PHF20L1: variants seen among roughly 807,000 people sequenced by gnomAD.
The protein encoded by PHF20L1 is PHD finger protein 20-like protein 1.
PHF20L1 carries 44 observed loss-of-function variants against 125.5 expected under a neutral mutation model. The ratio of observed to expected loss-of-function variants is 0.35; its 90% CI spans 0.28 to 0.45. The LOEUF (loss-of-function observed/expected upper bound fraction) is 0.45, where lower values mean the gene tolerates loss of function less well. PHF20L1 is among the 20% of genes least tolerant of loss of function. The probability of loss-of-function intolerance (pLI) is 1.00; values close to 1 mark genes in which losing one functional copy is unlikely to be tolerated. For missense variants in PHF20L1, 1,012 were observed against 1,217.2 expected (o/e 0.83, Z 2.51); for synonymous variants, 380 against 403.1 (o/e 0.94, Z 0.69).
chr8:132,830,800 G>T (rs1836687943), intron 14 of PHF20L1, among the ~76,000 whole-genome samples: 2 of 151,984 alleles, frequency 1.3e-5, no homozygotes, highest in African/African-American at 2.4e-5. Context: ...TAGGTAATGT[G>T]TAAGATTTCC....
chr8:132,845,758 G>C (rs1223318422), intron 20 of PHF20L1, 23 bp from the exon 21 acceptor site: 2 of 1,558,646 alleles, frequency 1.3e-6, no homozygotes, highest in Non-Finnish European at 1.8e-6. Flanking sequence ...GTTTAAATTT[G>C]TTTATCTTCT....
At chr8:132,812,631 T>C (rs1834526162) in intron 9 of PHF20L1, 1 of 984,840 alleles carries the variant, frequency 1.0e-6, no homozygotes, top group Non-Finnish European at 1.2e-6. Context: ...CTACTTGTCA[T>C]TCAGGTTGAT....
At chr8:132,810,838 C>A (rs1022429524) in intron 8 of PHF20L1, 1 of 490,418 alleles carries the variant, frequency 2.0e-6, no homozygotes, top group Non-Finnish European at 3.7e-6. Flanking sequence ...ACAACAGACA[C>A]ACAACTGTAT....
chr8:132,811,950 T>C, intron 9 of PHF20L1: 1 of 980,010 alleles, frequency 1.0e-6, no homozygotes, highest in Non-Finnish European at 1.2e-6. Flanking sequence ...CTCCTCTAGA[T>C]GCGTTTTAAA....
In PHF20L1 at chr8:132,846,162, A is replaced by G. The variant is rs572768985; in HGVS notation, c.*239A>G. 3 of 408,314 alleles carry G rather than the reference A, an allele frequency of 7.3e-6. No homozygotes were observed. Among genetic ancestry groups the G allele is most frequent in the South Asian group, 4.6e-5 (1 of 21,758 alleles). 25.3% of individuals were successfully genotyped at this position (408,314 alleles called of 1,614,324 possible). ...ATGAGAATGTGTTATATGCCAAGGAACAATGAAGTAGAATATAATGTATAC... is the reference window on the plus strand; with the variant it reads ...ATGAGAATGTGTTATATGCCAAGGAGCAATGAAGTAGAATATAATGTATAC... On this transcript the variant is annotated 3_prime_UTR_variant, in exon 21 of 21. Coordinates refer to ENST00000395386, the MANE Select transcript of PHF20L1 (RefSeq NM_016018.5).
At chr8:132,838,068 T>C (rs1330388620) in intron 17 of PHF20L1, 1 of 338,236 alleles carries the variant, frequency 3.0e-6, no homozygotes, top group East Asian at 5.2e-5. Flanking sequence ...TGATTACCCT[T>C]AGTGAGGACT....
In PHF20L1 at chr8:132,848,726, T is replaced by C. The variant is rs1033428470; in HGVS notation, c.*2803T>C. The C allele has an allele frequency of 6.9e-6, 1 of 145,224 alleles. No individual in the cohort carries two copies. The highest frequency in any genetic ancestry group is 1.5e-5 in the Non-Finnish European group (1 of 64,686). 9.0% of individuals were successfully genotyped at this position (145,224 alleles called of 1,614,324 possible). On this transcript the variant is annotated 3_prime_UTR_variant, in exon 21 of 21. Transcript: ENST00000395386. ...AACACTCATCTTATTTCCACTGTCT[T>C]ATTTCCTCTCAGATGTTCATATTTC...
chr8:132,831,402 C>T (rs1375777947), intron 14 of PHF20L1, among the ~76,000 whole-genome samples: 5 of 151,758 alleles, frequency 3.3e-5, no homozygotes, highest in Non-Finnish European at 7.4e-5. Flanking sequence ...CTCAACTCTC[C>T]AGTAAGCTGC....
intron 9 of PHF20L1, among the ~76,000 whole-genome samples, chr8:132,813,437 T>C (rs1026852170): frequency 6.6e-6 from 1 of 151,976 alleles, no homozygotes; most frequent in African/African-American, 2.4e-5. Flanking sequence ...TATGCACTTT[T>C]CTTCCCCAGC....
rs183958731 is a variant in PHF20L1, at chr8:132,805,868, C to A, written c.847+1128C>A. On this transcript the variant is annotated intron_variant, in intron 8 of 20. Transcript: ENST00000395386. ...ATGCCTGTCTCTGATAAAGGATATA[C>A]TTGGCCCCAGGAGAGGAAATATTTT... Among the ~76,000 whole-genome samples the A allele has an allele frequency of 2.6e-5, 4 of 152,070 alleles. No homozygotes were observed. The South Asian group carries it at 8.3e-4, about 31-fold the overall frequency.
intron 4 of PHF20L1, among the ~76,000 whole-genome samples, chr8:132,795,890 T>C (rs1042367422): frequency 6.6e-6 from 1 of 152,104 alleles, no homozygotes; most frequent in African/African-American, 2.4e-5. Context: ...GTCTCTCTCT[T>C]CCTTCCTCTC....
At chr8:132,775,788 C>G (rs1829637543) in intron 1 of PHF20L1, 143 bp downstream of exon 1, 1 of 230,700 alleles carries the variant, frequency 4.3e-6, no homozygotes, top group Non-Finnish European at 8.3e-6. Context: ...TGTCTGGGCG[C>G]CGCAGCTCCC....
intron 15 of PHF20L1, among the ~76,000 whole-genome samples, chr8:132,836,123 A>AC (rs1425099360): frequency 6.6e-6 from 1 of 152,124 alleles, no homozygotes; most frequent in Admixed American, 6.5e-5. Context: ...TACTACACAC[A>AC]CCTGTCCCCA....
intron 12 of PHF20L1, among the ~76,000 whole-genome samples, chr8:132,820,402 T>G (rs888119478): frequency 1.3e-5 from 2 of 151,822 alleles, no homozygotes; most frequent in Admixed American, 1.3e-4. Context: ...TCTCTTTAGG[T>G]GGGAAGCACA....
At chr8:132,788,308 G>A (rs557012895) in intron 2 of PHF20L1, among the ~76,000 whole-genome samples, 31 of 152,192 alleles carry the variant, frequency 2.0e-4, no homozygotes, top group African/African-American at 7.2e-4. Context: ...CATCCTATTG[G>A]CTTATCCATA....
rs1830296621 is a variant in PHF20L1, at chr8:132,780,437, T to A, written c.83+2526T>A. Among the ~76,000 whole-genome samples, 3 of 152,336 alleles carry A rather than the reference T, an allele frequency of 2.0e-5. No homozygotes were observed. In the South Asian group the frequency reaches 6.2e-4, roughly 32 times the overall value. The stretch of plus-strand genomic sequence containing the variant: ...TATTAAGTAAAATTATAGAATTATT[T>A]GACAAGAAACTGACATTCTTGTGAG... On this transcript the variant is annotated intron_variant, in intron 2 of 20. Transcript: ENST00000395386.
intron 8 of PHF20L1, among the ~76,000 whole-genome samples, chr8:132,805,244 T>A (rs1269890815): frequency 1.3e-5 from 2 of 151,978 alleles, no homozygotes; most frequent in Non-Finnish European, 2.9e-5. Context: ...TTTTGTTTTT[T>A]AATTTTTACT....
At chr8:132,836,760 G>T in intron 16 of PHF20L1, 39 bp downstream of exon 16, 2 of 1,445,104 alleles carry the variant, frequency 1.4e-6, no homozygotes, top group Non-Finnish European at 1.9e-6. Context: ...TGAGTTAGTT[G>T]TTTCAGGTGC....
At chr8:132,776,665 G>A (rs1401683564) in intron 1 of PHF20L1, among the ~76,000 whole-genome samples, 3 of 152,196 alleles carry the variant, frequency 2.0e-5, no homozygotes, top group Non-Finnish European at 2.9e-5. Context: ...AGAGGGAGCA[G>A]TTGGAATTTT....
Sources: gnomAD v4.1 joint callset for allele counts (sites outside exome capture counted in the v4.1 genomes callset) on GRCh38, gnomAD v4.1.1 for gene constraint, MANE v1.5 for transcripts, NCBI Gene and HGNC (gene_info 2026-07-23, HGNC 2026-07-21) for gene names.